CNTN6: variants seen among roughly 807,000 people sequenced by gnomAD.
CNTN6 encodes contactin-6.
In CNTN6, 137 loss-of-function variants were observed where a neutral mutation model predicts 122.8. That is an observed-to-expected ratio of 1.12 (90% CI 0.97 to 1.29). The LOEUF (loss-of-function observed/expected upper bound fraction) is 1.29. Ranked by LOEUF, CNTN6 falls within the 50% of genes most tolerant of loss-of-function variation. The probability of loss-of-function intolerance (pLI) is 0.00; values close to 1 mark genes in which losing one functional copy is unlikely to be tolerated. For missense variants in CNTN6, 1,634 were observed against 1,223.4 expected, an observed-to-expected ratio of 1.34 and a Z score of -5.01; for synonymous variants, 570 against 426.0, an observed-to-expected ratio of 1.34 and a Z score of -4.16.
At chr3:1,141,412 T>C (rs902724067) in intron 1 of CNTN6, among the ~76,000 whole-genome samples, 3 of 152,110 alleles carry the variant, frequency 2.0e-5, no homozygotes, top group East Asian at 3.9e-4. Flanking sequence ...CTTGCAACAA[T>C]GATGTCCTGA....
intron 10 of CNTN6, 90 bp from the exon 11 acceptor site, chr3:1,329,695 T>C: frequency 9.1e-7 from 1 of 1,093,848 alleles, no homozygotes; most frequent in Non-Finnish European, 1.3e-6. Context: ...GCTATAAATA[T>C]TAGATTCTGT....
chr3:1,096,868 C>A (rs753635469), intron 1 of CNTN6, among the ~76,000 whole-genome samples: 1 of 152,060 alleles, frequency 6.6e-6, no homozygotes, highest in Non-Finnish European at 1.5e-5. Flanking sequence ...TCACTGAAGA[C>A]GGAGGGTTTT....
chr3:1,261,200 C>T (rs978682975), intron 4 of CNTN6, among the ~76,000 whole-genome samples: 2 of 152,114 alleles, frequency 1.3e-5, no homozygotes, highest in East Asian at 1.9e-4. Context: ...TAAATGTCTA[C>T]AGCACAATCT....
chr3:1,281,820 A>G (rs1282912834), intron 5 of CNTN6, among the ~76,000 whole-genome samples: 1 of 152,190 alleles, frequency 6.6e-6, no homozygotes, highest in Non-Finnish European at 1.5e-5. Flanking sequence ...AATGAGTCTC[A>G]CAGGGAGTTC....
At chr3:1,285,679 AAACTC>A (rs1374361232) in intron 5 of CNTN6, among the ~76,000 whole-genome samples, 1 of 152,210 alleles carries the variant, frequency 6.6e-6, no homozygotes, top group Admixed American at 6.5e-5. Flanking sequence ...ATAGTTAACT[AAACTC>A]AACTAACTAT....
At chr3:1,360,128 T>C (rs1707239320) in intron 12 of CNTN6, among the ~76,000 whole-genome samples, 1 of 152,072 alleles carries the variant, frequency 6.6e-6, no homozygotes, top group African/African-American at 2.4e-5. Flanking sequence ...AAAGTGTCTT[T>C]ATTCTGTGTT....
intron 5 of CNTN6, among the ~76,000 whole-genome samples, chr3:1,292,978 C>G (rs1327018428): frequency 6.6e-6 from 1 of 151,906 alleles, no homozygotes; most frequent in East Asian, 1.9e-4. Context: ...TTTTTTTTCC[C>G]ACATGACACT....
At chr3:1,280,299 T>C (rs1471226017) in intron 5 of CNTN6, among the ~76,000 whole-genome samples, 2 of 152,040 alleles carry the variant, frequency 1.3e-5, no homozygotes, top group Non-Finnish European at 2.9e-5. Context: ...CATTAAAGGA[T>C]ATGTGGATCT....
intron 7 of CNTN6, among the ~76,000 whole-genome samples, chr3:1,312,346 C>T (rs1272295301): frequency 6.6e-6 from 1 of 150,508 alleles, no homozygotes; most frequent in African/African-American, 2.5e-5. Flanking sequence ...ATGTATATTT[C>T]TGGAAGCAAC....
intron 20 of CNTN6, among the ~76,000 whole-genome samples, chr3:1,393,541 A>G (rs1694529424): frequency 7.6e-6 from 1 of 132,378 alleles, no homozygotes; most frequent in South Asian, 3.0e-4. Context: ...CATGTACCCT[A>G]AAACTTAAAG....
At chr3:1,119,201 T>C (rs2091852671) in intron 1 of CNTN6, among the ~76,000 whole-genome samples, 1 of 151,998 alleles carries the variant, frequency 6.6e-6, no homozygotes, top group South Asian at 2.1e-4. Context: ...GGTTTTTTTT[T>C]TTTAAGTTGG....
rs554053522 is a variant in CNTN6 at position 1,248,784 on chromosome 3, C to T, written c.358+20791C>T. Among the ~76,000 whole-genome samples, 4 of 152,052 alleles carry T rather than the reference C, an allele frequency of 2.6e-5. No individual in the cohort carries two copies. The South Asian group carries it at 6.2e-4, about 24-fold the overall frequency. ...GCAGTGAGCTGAGATCGTGCCATTG[C>T]ACTCCAGCCTGGGCGACATGAGTGA... is the stretch of plus-strand genomic sequence containing the variant. On this transcript the variant is annotated intron_variant, in intron 4 of 22. Transcript: ENST00000446702.
intron 17 of CNTN6, 78 bp downstream of exon 17, chr3:1,377,153 T>G: frequency 2.0e-6 from 2 of 1,006,494 alleles, no homozygotes; most frequent in Non-Finnish European, 3.0e-6. Flanking sequence ...ACAAAAAGAT[T>G]TATTTGATCA....
chr3:1,313,976 T>C lies in CNTN6; in HGVS notation c.762-7674T>C, dbSNP rs537387129. Among the ~76,000 whole-genome samples the C allele has an allele frequency of 2.0e-5, 3 of 152,154 alleles. No individual in the cohort carries two copies. In the East Asian group the frequency reaches 5.8e-4, roughly 30 times the overall value. On this transcript the variant is annotated intron_variant, in intron 7 of 22. Transcript: ENST00000446702. ...TGAAGGCTCTATCTTCATGTCATAG[T>C]CCCACCTCCTAATACTATCACCTTA...
At chr3:1,177,189 G>T (rs1499100) in intron 2 of CNTN6, among the ~76,000 whole-genome samples, 79,565 of 152,024 alleles carry the variant, frequency 0.52, 23,654 homozygotes, top group African/African-American at 0.8. Flanking sequence ...TAAAAGAAGC[G>T]AGAGATTGCA....
chr3:1,141,355 A>G (rs954669350), intron 1 of CNTN6, among the ~76,000 whole-genome samples: 1 of 152,184 alleles, frequency 6.6e-6, no homozygotes. Context: ...TATCAAAGCA[A>G]TGTTGCTGTA....
chr3:1,401,088 G>A (rs1039922127), intron 20 of CNTN6, among the ~76,000 whole-genome samples: 6 of 151,418 alleles, frequency 4.0e-5, no homozygotes, highest in African/African-American at 1.5e-4. Flanking sequence ...TGCCAAACAT[G>A]CTCATTGATT....
At chr3:1,369,289 T>C (rs967708670) in intron 12 of CNTN6, among the ~76,000 whole-genome samples, 1 of 152,166 alleles carries the variant, frequency 6.6e-6, no homozygotes, top group African/African-American at 2.4e-5. Flanking sequence ...CATTACTGTA[T>C]AGTAACTAAT....
intron 2 of CNTN6, among the ~76,000 whole-genome samples, chr3:1,220,010 A>AAAAAGAAAAGAAAAAAGAAAG (rs1553630234): frequency 0.23 from 34,299 of 151,418 alleles, 4,645 homozygotes; most frequent in African/African-American, 0.37. Flanking sequence ...TCAAAAAATA[A>AAAAAGAAAAGAAAAAAGAAAG]AAAGAAAATA....
Sources: allele counts gnomAD v4.1 joint callset (sites outside exome capture counted in the v4.1 genomes callset), GRCh38; gene constraint gnomAD v4.1.1; transcripts MANE v1.5; gene names NCBI Gene and HGNC (gene_info 2026-07-23, HGNC 2026-07-21).